Variants in BTAF1 observed in about 807,000 individuals in gnomAD.
The protein encoded by BTAF1 is B-TFIID TATA-box binding protein associated factor 1, also known as TATA-binding protein-associated factor 172.
In BTAF1, 38 loss-of-function variants were observed where a neutral mutation model predicts 227.1. The observed-to-expected ratio is 0.17, with a 90% CI of 0.13 to 0.22. BTAF1 has a LOEUF of 0.22. Ranked by LOEUF, BTAF1 falls within the 10% of genes least tolerant of loss-of-function variation. The probability of loss-of-function intolerance (pLI) is 1.00; values close to 1 mark genes in which losing one functional copy is unlikely to be tolerated. For synonymous variants in BTAF1, 742 were observed against 751.9 expected (o/e 0.99, Z 0.21); for missense variants, 1,598 against 2,204.0 (o/e 0.73, Z 5.51).
rs746036208 is a variant in BTAF1 at position 91,925,516 on chromosome 10, C to CTCTTTTTTT, written c.14+1427_14+1428insCTTTTTTTT. On this transcript the variant is annotated intron_variant, in intron 1 of 37. Coordinates refer to ENST00000265990, the MANE Select transcript of BTAF1 (RefSeq NM_003972.3). Reference sequence around the variant, plus strand: ...CCTAATTTTCGGGCAACGCTAATCTCTTTTTTTTTTTTTGAGAAGGAATCT... The same window carrying CTCTTTTTTT: ...CCTAATTTTCGGGCAACGCTAATCTCTCTTTTTTTTTTTTTTTTTTTTGAGAAGGAATCT... 7.0e-5 allele frequency among the ~76,000 whole-genome samples: 8 copies of CTCTTTTTTT among 114,600 alleles called. No individual in the cohort carries two copies. In the East Asian group the frequency reaches 2.1e-3, roughly 30 times the overall value. The allele number at this position is 114,600 out of a possible 152,430, so 75.2% of individuals were successfully genotyped here. A position where few individuals can be genotyped will look rare whatever the true frequency, so the allele number is the denominator to read the frequency against.
intron 14 of BTAF1, among the ~76,000 whole-genome samples, chr10:91,968,102 T>G (rs1847050133): frequency 6.6e-6 from 1 of 152,192 alleles, no homozygotes; most frequent in South Asian, 2.1e-4. Context: ...ATTTTGTACA[T>G]ATTGTACATT....
intron 24 of BTAF1, chr10:91,997,212 GGGAAATTT>G: frequency 8.4e-7 from 1 of 1,183,442 alleles, no homozygotes; most frequent in Non-Finnish European, 1.1e-6. Context: ...AGATCCTGGT[GGGAAATTT>G]GGAATTAATC....
rs1275408503 is a variant in BTAF1, at chr10:91,992,124, A to G, written c.2860A>G (p.Thr954Ala). ...TTTAACTTTTTTCTTATTAGGATCCACCTCAGAAAAAGATGGAATGCACCA... is the reference window on the plus strand; with the variant it reads ...TTTAACTTTTTTCTTATTAGGATCCGCCTCAGAAAAAGATGGAATGCACCA... ...QSGQENSKGS[T>A]SEKDGMHHTV... The change falls in exon 21 of 38, where the codon ACC becomes GCC. Residue 954 changes from threonine (T) to alanine (A), a missense_variant. By Grantham distance (58) the Thr-to-Ala change is moderately conservative. This residue lies in a region of BTAF1 where 425 missense variants were observed against 491.2 expected (regional missense o/e 0.87). Coordinates refer to ENST00000265990, the MANE Select transcript of BTAF1 (RefSeq NM_003972.3). 6 of 1,564,692 alleles carry G rather than the reference A, an allele frequency of 3.8e-6. No homozygotes were observed. In the Admixed American group the frequency reaches 9.5e-5, roughly 25 times the overall value.
At chr10:91,945,211 T>TA (rs1845283036) in intron 4 of BTAF1, among the ~76,000 whole-genome samples, 2 of 152,178 alleles carry the variant, frequency 1.3e-5, no homozygotes, top group Admixed American at 1.3e-4. Context: ...TCAAGGTTCA[T>TA]CTATATGACA....
At chr10:92,025,823 A>C (rs968005063) in intron 35 of BTAF1, among the ~76,000 whole-genome samples, 4 of 151,224 alleles carry the variant, frequency 2.6e-5, no homozygotes, top group Non-Finnish European at 5.9e-5. Context: ...AAAAAAAAAA[A>C]AAAAAAAAAC....
At chr10:92,004,521 G>A (rs1010644038) in intron 25 of BTAF1, among the ~76,000 whole-genome samples, 4 of 152,170 alleles carry the variant, frequency 2.6e-5, no homozygotes, top group Non-Finnish European at 5.9e-5. Flanking sequence ...AGGCTGGAGT[G>A]CAGTTGTATG....
At chr10:91,926,948 AT>A (rs1032174348) in intron 1 of BTAF1, among the ~76,000 whole-genome samples, 2 of 152,072 alleles carry the variant, frequency 1.3e-5, no homozygotes, top group Admixed American at 6.5e-5. Context: ...GTCCTTTGTG[AT>A]CTGGTTCCTG....
At chr10:91,927,654 G>C (rs1843948894) in intron 1 of BTAF1, among the ~76,000 whole-genome samples, 1 of 152,156 alleles carries the variant, frequency 6.6e-6, no homozygotes, top group Non-Finnish European at 1.5e-5. Flanking sequence ...TTTGCTTCTT[G>C]CTTTGGTACC....
chr10:91,943,901 A>G (rs1328565750), intron 4 of BTAF1, among the ~76,000 whole-genome samples: 1 of 152,216 alleles, frequency 6.6e-6, no homozygotes, highest in Non-Finnish European at 1.5e-5. Context: ...CTGTAATCCC[A>G]GCACTTTGGG....
At chr10:91,925,477 G>A (rs933815655) in intron 1 of BTAF1, among the ~76,000 whole-genome samples, 1 of 147,766 alleles carries the variant, frequency 6.8e-6, no homozygotes, top group African/African-American at 2.4e-5. Flanking sequence ...CAAAATGAAA[G>A]TGTTTAAAAA....
intron 8 of BTAF1, among the ~76,000 whole-genome samples, 171 bp from the exon 9 acceptor site, chr10:91,958,894 G>A (rs1771316781): frequency 1.3e-5 from 2 of 152,298 alleles, no homozygotes; most frequent in Admixed American, 1.3e-4. Flanking sequence ...AGTCTGAAAT[G>A]TATATGTGTA....
intron 13 of BTAF1, among the ~76,000 whole-genome samples, chr10:91,965,940 G>A (rs566017073): frequency 6.6e-6 from 1 of 152,182 alleles, no homozygotes; most frequent in South Asian, 2.1e-4. Flanking sequence ...GTCTTTTTCT[G>A]TGGAGCCATA....
intron 35 of BTAF1, 95 bp downstream of exon 35, chr10:92,025,062 C>A: frequency 9.3e-7 from 1 of 1,079,962 alleles, no homozygotes; most frequent in Non-Finnish European, 1.3e-6. Flanking sequence ...TAAATATCTG[C>A]AAATGCATTT....
intron 32 of BTAF1, among the ~76,000 whole-genome samples, chr10:92,014,751 G>T: frequency 6.6e-6 from 1 of 152,164 alleles, no homozygotes; most frequent in Admixed American, 6.5e-5. Flanking sequence ...CAATTGTGCA[G>T]TGCTAATGGC....
intron 14 of BTAF1, among the ~76,000 whole-genome samples, chr10:91,971,889 A>G (rs1847330070): frequency 1.3e-5 from 2 of 152,030 alleles, no homozygotes; most frequent in East Asian, 1.9e-4. Flanking sequence ...AACAGCATTC[A>G]TTTATGTTTA....
At chr10:91,972,069 C>A (rs1329622088) in intron 14 of BTAF1, among the ~76,000 whole-genome samples, 1 of 152,140 alleles carries the variant, frequency 6.6e-6, no homozygotes, top group Non-Finnish European at 1.5e-5. Flanking sequence ...ATTTTCGTTT[C>A]TACATGGTCA....
intron 32 of BTAF1, among the ~76,000 whole-genome samples, chr10:92,014,990 A>G (rs1850613421): frequency 1.3e-5 from 2 of 152,218 alleles, no homozygotes; most frequent in Admixed American, 6.5e-5. Context: ...TGGGATGACC[A>G]TTTTATATGT....
chr10:91,963,983 G>A, intron 12 of BTAF1, 94 bp from the exon 13 acceptor site: 5 of 1,360,436 alleles, frequency 3.7e-6, no homozygotes, highest in South Asian at 2.6e-5. Flanking sequence ...TGCATGTGTT[G>A]TTGAATCAGT....
At chr10:91,977,784 C>T (rs1847794379) in intron 14 of BTAF1, among the ~76,000 whole-genome samples, 1 of 152,106 alleles carries the variant, frequency 6.6e-6, no homozygotes, top group South Asian at 2.1e-4. Flanking sequence ...GGTATCTCAT[C>T]GTTGTTTTAA....
Sources: allele counts gnomAD v4.1 joint callset (sites outside exome capture counted in the v4.1 genomes callset), GRCh38; gene constraint gnomAD v4.1.1; regional missense constraint gnomAD v4.1.1; transcripts MANE v1.5; gene names NCBI Gene and HGNC (gene_info 2026-07-23, HGNC 2026-07-21).